Variants in PLB1 observed in about 807,000 individuals in gnomAD.
PLB1 encodes the protein phospholipase B1, membrane-associated.
PLB1 carries 242 observed loss-of-function variants against 227.4 expected under a neutral mutation model. The ratio of observed to expected loss-of-function variants is 1.06; its 90% CI spans 0.96 to 1.18. The LOEUF is 1.18. Among genes scored for constraint, PLB1 ranks in the 50% most tolerant of loss-of-function variants. The pLI is 0.00. For missense variants in PLB1, 1,858 were observed against 1,816.3 expected (o/e 1.02, Z -0.42); for synonymous variants, 757 against 682.2 (o/e 1.11, Z -1.71).
At chr2:28,635,520 C>G (rs1488646540) in intron 56 of PLB1, among the ~76,000 whole-genome samples, 1 of 143,638 alleles carries the variant, frequency 7.0e-6, no homozygotes, top group African/African-American at 2.5e-5. Context: ...CTGCTCCCAA[C>G]CTGATAAGCA....
chr2:28,511,251 G>C (rs1668225828), intron 1 of PLB1, among the ~76,000 whole-genome samples: 1 of 151,940 alleles, frequency 6.6e-6, no homozygotes, highest in Admixed American at 6.5e-5. Flanking sequence ...TGAAAAGGTT[G>C]TAAATATTTG....
In PLB1 at chr2:28,614,023, T is replaced by TTC. The variant is rs34183223; in HGVS notation, c.3130-8_3130-7insTC. On this transcript the variant is annotated splice_polypyrimidine_tract_variant and splice_region_variant and intron_variant, in intron 43 of 57. Coordinates refer to ENST00000327757, the MANE Select transcript of PLB1 (RefSeq NM_153021.5). ...GATAACTTCTCCATGTGTTTTTTTT[T>TTC]CTCTTAGAATGAGCCCTTCCTGAGA... The TTC allele has an allele frequency of 0.044, 69,948 of 1,605,802 alleles. 1,552 individuals carry two copies. The highest frequency in any genetic ancestry group is 0.051 in the Non-Finnish European group (59,959 of 1,172,438).
At chr2:28,574,543 C>T (rs1290574162) in intron 21 of PLB1, among the ~76,000 whole-genome samples, 5 of 128,434 alleles carry the variant, frequency 3.9e-5, no homozygotes, top group South Asian at 2.7e-4. Flanking sequence ...TCACCATTCC[C>T]GGCTAATTTT....
chr2:28,532,066 CT>C, intron 8 of PLB1, 41 bp from the exon 9 acceptor site: 1 of 1,500,664 alleles, frequency 6.7e-7, no homozygotes, highest in African/African-American at 1.4e-5. Context: ...GGTTCAAGGT[CT>C]TAACACAATC....
In PLB1 at chr2:28,518,452, G is replaced by A. The variant is rs767803057; in HGVS notation, c.118-14G>A. The A allele has an allele frequency of 1.7e-5, 28 of 1,602,246 alleles. No individual in the cohort carries two copies. Among genetic ancestry groups the A allele is most frequent in the South Asian group, 4.4e-5 (4 of 90,772 alleles). ...AAGGCAGTTGATGTTTCTGATGTTC[G>A]TTTTCAATTGCAGACCCTGAAGAAT... On this transcript the variant is annotated splice_polypyrimidine_tract_variant and intron_variant, in intron 2 of 57. Coordinates refer to ENST00000327757, the MANE Select transcript of PLB1 (RefSeq NM_153021.5).
chr2:28,535,351 C>T (rs1459409785), intron 9 of PLB1, among the ~76,000 whole-genome samples: 1 of 152,214 alleles, frequency 6.6e-6, no homozygotes, highest in Non-Finnish European at 1.5e-5. Flanking sequence ...GGCTTTGATG[C>T]CTGGAATAAA....
intron 1 of PLB1, among the ~76,000 whole-genome samples, chr2:28,511,952 CTTTT>C (rs35941185): frequency 7.6e-6 from 1 of 131,416 alleles, no homozygotes; most frequent in Non-Finnish European, 1.6e-5. Flanking sequence ...GCCTGGCTAA[CTTTT>C]TTTTTTTTTT....
At chr2:28,532,580 A>G (rs1671166143) in intron 9 of PLB1, among the ~76,000 whole-genome samples, 1 of 152,194 alleles carries the variant, frequency 6.6e-6, no homozygotes, top group Non-Finnish European at 1.5e-5. Flanking sequence ...TTTACTTACC[A>G]TCCCTCATAT....
chr2:28,526,413 G>A (rs192226474), intron 6 of PLB1, among the ~76,000 whole-genome samples: 22 of 152,178 alleles, frequency 1.4e-4, no homozygotes, highest in African/African-American at 5.3e-4. Context: ...GTTGGGTTCA[G>A]GCAAATGAAA....
Position 28,617,747 on chromosome 2 carries a change from G to A in PLB1, c.3216G>A (p.Leu1072=), listed in dbSNP as rs1331286440. The change falls in exon 45 of 58, where the codon CTG becomes CTA. Residue 1072 remains leucine (L), a synonymous_variant. Coordinates refer to ENST00000327757, the MANE Select transcript of PLB1 (RefSeq NM_153021.5). Reference sequence around the variant, plus strand: ...TTTAGAACTGGGGCAGTGACTTCCTGTGTACAGAGTGGAAGGCTTCCAATA... The same window carrying A: ...TTTAGAACTGGGGCAGTGACTTCCTATGTACAGAGTGGAAGGCTTCCAATA... ...PAIENWGSDF[L]CTEWKASNSV... is the part of the protein sequence containing the mutation. 1 of 1,614,046 alleles carries A rather than the reference G, an allele frequency of 6.2e-7. No homozygotes were observed. The highest frequency in any genetic ancestry group is 8.5e-7 in the Non-Finnish European group (1 of 1,180,012).
chr2:28,506,110 G>A (rs1041234885), intron 1 of PLB1, among the ~76,000 whole-genome samples: 1 of 152,150 alleles, frequency 6.6e-6, no homozygotes, highest in Non-Finnish European at 1.5e-5. Context: ...AGTTAACTGA[G>A]CACCCTTCTA....
At chr2:28,568,820 C>G (rs1053864124) in intron 20 of PLB1, among the ~76,000 whole-genome samples, 2 of 152,190 alleles carry the variant, frequency 1.3e-5, no homozygotes, top group Non-Finnish European at 2.9e-5. Flanking sequence ...GAGAATGTTC[C>G]TGGCAGAGAG....
At chr2:28,628,928 G>A (rs1001523756) in intron 52 of PLB1, among the ~76,000 whole-genome samples, 166 bp from the exon 53 acceptor site, 1 of 152,306 alleles carries the variant, frequency 6.6e-6, no homozygotes, top group Non-Finnish European at 1.5e-5. Context: ...ATAAAGCGGG[G>A]CCACTCAAGA....
chr2:28,594,132 T>A (rs1031193895), intron 33 of PLB1: 3 of 518,936 alleles, frequency 5.8e-6, no homozygotes, highest in Non-Finnish European at 1.2e-5. Flanking sequence ...ATGTGTTTAT[T>A]CATGTTGTCT....
chr2:28,525,604 A>G (rs976214927), intron 5 of PLB1, among the ~76,000 whole-genome samples: 5 of 152,238 alleles, frequency 3.3e-5, no homozygotes, highest in Admixed American at 1.3e-4. Flanking sequence ...CTCTTGGGGA[A>G]CCATGCAGGG....
intron 1 of PLB1, among the ~76,000 whole-genome samples, chr2:28,506,793 G>A (rs776361441): frequency 3.3e-5 from 5 of 152,208 alleles, no homozygotes; most frequent in Non-Finnish European, 5.9e-5. Context: ...GGTGAACAGA[G>A]CCCTGGATCA....
At chr2:28,547,158 A>G (rs1673392191) in intron 14 of PLB1, among the ~76,000 whole-genome samples, 1 of 148,520 alleles carries the variant, frequency 6.7e-6, no homozygotes. Flanking sequence ...CTGTGATCGC[A>G]CCACTGCACT....
intron 17 of PLB1, among the ~76,000 whole-genome samples, chr2:28,560,074 G>A (rs188186146): frequency 5.3e-5 from 8 of 152,186 alleles, no homozygotes; most frequent in African/African-American, 1.9e-4. Flanking sequence ...GGCAAAGAAG[G>A]CTGTTGAGAA....
chr2:28,573,326 C>T (rs372665840), intron 21 of PLB1, 21 bp downstream of exon 21: 24 of 1,568,490 alleles, frequency 1.5e-5, no homozygotes, highest in East Asian at 9.0e-5. Context: ...GTGACCGGGG[C>T]GGTGAACAGC....
Sources: allele counts gnomAD v4.1 joint callset (sites outside exome capture counted in the v4.1 genomes callset), GRCh38; gene constraint gnomAD v4.1.1; transcripts MANE v1.5; gene names NCBI Gene and HGNC (gene_info 2026-07-23, HGNC 2026-07-21).